CLDN16: variants seen among roughly 807,000 people sequenced by gnomAD.
The protein encoded by CLDN16 is claudin-16.
CLDN16 carries 13 observed loss-of-function variants against 24.6 expected under a neutral mutation model. That is an observed-to-expected ratio of 0.53 (90% CI 0.34 to 0.84). The LOEUF (loss-of-function observed/expected upper bound fraction) is 0.84, where lower values mean the gene tolerates loss of function less well. Among genes scored for constraint, CLDN16 ranks in the 40% least tolerant of loss-of-function variants. The pLI is 0.01. For missense variants in CLDN16, 298 were observed against 292.7 expected (o/e 1.02, Z -0.13); for synonymous variants, 116 against 106.7 (o/e 1.09, Z -0.54).
chr3:190,343,298 CAA>C (rs1163459618), intron 1 of CLDN16, among the ~76,000 whole-genome samples: 1 of 151,846 alleles, frequency 6.6e-6, no homozygotes, highest in Non-Finnish European at 1.5e-5. Flanking sequence ...ATCAAAAAGA[CAA>C]GAGATAAAAA....
intron 1 of CLDN16, among the ~76,000 whole-genome samples, chr3:190,399,331 C>G (rs1718901223): frequency 6.9e-6 from 1 of 143,898 alleles, no homozygotes. Flanking sequence ...TGGGGAAACC[C>G]CGTCTCTACT....
intron 3 of CLDN16, among the ~76,000 whole-genome samples, chr3:190,382,977 G>A (rs1042249432): frequency 2.6e-5 from 4 of 152,066 alleles, no homozygotes; most frequent in African/African-American, 4.8e-5. Flanking sequence ...GACTTCCAGT[G>A]CAACATCACA....
intron 1 of CLDN16, among the ~76,000 whole-genome samples, chr3:190,350,705 C>T (rs1717654352): frequency 6.6e-6 from 1 of 152,124 alleles, no homozygotes; most frequent in Non-Finnish European, 1.5e-5. Context: ...AAACCTATTA[C>T]TGTGTTTGGG....
intron 3 of CLDN16, among the ~76,000 whole-genome samples, 185 bp from the exon 4 acceptor site, chr3:190,408,129 G>C (rs1013462958): frequency 6.6e-6 from 1 of 152,144 alleles, no homozygotes; most frequent in Non-Finnish European, 1.5e-5. Flanking sequence ...ATTTAAAAAA[G>C]ATACAAGATG....
At chr3:190,352,232 A>C (rs1717685969) in intron 1 of CLDN16, among the ~76,000 whole-genome samples, 1 of 152,082 alleles carries the variant, frequency 6.6e-6, no homozygotes, top group Non-Finnish European at 1.5e-5. Context: ...TTCAAACATA[A>C]TTAACAATTT....
At chr3:190,375,594 A>G (rs1217116515) in intron 3 of CLDN16, among the ~76,000 whole-genome samples, 6 of 151,926 alleles carry the variant, frequency 3.9e-5, no homozygotes, top group Non-Finnish European at 5.9e-5. Context: ...TACTACTTGA[A>G]ATTTTAGATG....
the CLDN16 span, among the ~76,000 whole-genome samples, chr3:190,315,071 T>C: frequency 4.6e-5 from 7 of 152,220 alleles, no homozygotes; most frequent in African/African-American, 1.7e-4. Flanking sequence ...TATGTCCTCT[T>C]TCTGATGGAT....
At chr3:190,307,154 G>T in the CLDN16 span, 1 of 152,604 alleles carries the variant, frequency 6.6e-6, no homozygotes, top group African/African-American at 2.4e-5. Context: ...GAAAAAAGAG[G>T]TAGAAAGATT....
upstream of CLDN16, among the ~76,000 whole-genome samples, chr3:190,319,592 C>T (rs146171369): frequency 0.01 from 1,583 of 152,254 alleles, 36 homozygotes; most frequent in Non-Finnish European, 0.01. Flanking sequence ...TAATACTTCC[C>T]GTGCTAAAGC....
rs1043568318 is a variant in CLDN16 at position 190,410,540 on chromosome 3, C to T, written c.*504C>T. On this transcript the variant is annotated 3_prime_UTR_variant, in exon 5 of 5. Coordinates refer to ENST00000264734, the MANE Select transcript of CLDN16 (RefSeq NM_006580.4). ...TTCAAACTAGTATGTCAATGCCTAC[C>T]ATTACTCTGATTATATTAAAACAGA... The T allele has an allele frequency of 6.4e-6, 1 of 156,568 alleles. No individual in the cohort carries two copies. Among genetic ancestry groups the T allele is most frequent in the African/African-American group, 2.4e-5 (1 of 41,432 alleles). The allele number at this position is 156,568 out of a possible 1,614,324, so 9.7% of individuals were successfully genotyped here. A position where few individuals can be genotyped will look rare whatever the true frequency, so the allele number is the denominator to read the frequency against.
intron 1 of CLDN16, among the ~76,000 whole-genome samples, chr3:190,323,595 A>G (rs1390186247): frequency 6.6e-6 from 1 of 152,178 alleles, no homozygotes; most frequent in Admixed American, 6.5e-5. Flanking sequence ...TGGTTTTAGT[A>G]AAAACAGAAG....
At chr3:190,361,061 T>C (rs995934721) in intron 1 of CLDN16, among the ~76,000 whole-genome samples, 1 of 152,042 alleles carries the variant, frequency 6.6e-6, no homozygotes, top group South Asian at 2.1e-4. Context: ...TTCAATTTTA[T>C]TTATGTTAAA....
rs1449887856 is a variant in CLDN16 at position 190,370,137 on chromosome 3, G to A, written n.122-756G>A. Reference sequence around the variant, plus strand: ...AACTGGAATTGTCACTAGCATTTCTGGAACGTTGAAAGGGTCTCTTTCCTT... The same window carrying A: ...AACTGGAATTGTCACTAGCATTTCTAGAACGTTGAAAGGGTCTCTTTCCTT... On this transcript the variant is annotated intron_variant and non_coding_transcript_variant, in intron 1 of 4. Coordinates refer to the CLDN16 transcript ENST00000468220. Among the ~76,000 whole-genome samples the A allele has an allele frequency of 3.3e-5, 5 of 151,906 alleles. No individual in the cohort carries two copies. In the East Asian group the frequency reaches 9.7e-4, roughly 30 times the overall value.
At chr3:190,290,506 A>C in the CLDN16 span, among the ~76,000 whole-genome samples, 1 of 152,326 alleles carries the variant, frequency 6.6e-6, no homozygotes, top group East Asian at 1.9e-4. Context: ...TTTAAGGAAA[A>C]AAAACCTACT....
intron 1 of CLDN16, among the ~76,000 whole-genome samples, chr3:190,356,111 A>G (rs1466216100): frequency 6.6e-6 from 1 of 151,784 alleles, no homozygotes; most frequent in Admixed American, 6.6e-5. Context: ...TTTGCTGAAA[A>G]GAATAAAAGT....
chr3:190,290,763 A>G, the CLDN16 span, among the ~76,000 whole-genome samples: 1 of 152,246 alleles, frequency 6.6e-6, no homozygotes, highest in African/African-American at 2.4e-5. Context: ...AAAGAAAATT[A>G]TATCAAAGTA....
intron 1 of CLDN16, among the ~76,000 whole-genome samples, chr3:190,400,750 T>G (rs1453922607): frequency 3.3e-5 from 5 of 152,216 alleles, no homozygotes; most frequent in African/African-American, 1.2e-4. Context: ...ATTCCATGTC[T>G]TGGCTATTGT....
At chr3:190,322,200 T>C, upstream of CLDN16, 1 of 1,613,682 alleles carries the variant, frequency 6.2e-7, no homozygotes, top group Non-Finnish European at 8.5e-7. Flanking sequence ...AGCCCCGCGT[T>C]GGCCATGACT....
At chr3:190,375,020 A>G (rs981851775) in intron 3 of CLDN16, among the ~76,000 whole-genome samples, 4 of 151,948 alleles carry the variant, frequency 2.6e-5, no homozygotes, top group African/African-American at 9.7e-5. Flanking sequence ...AAAAAGAGGC[A>G]TATACTTATA....
Sources: allele counts gnomAD v4.1 joint callset (sites outside exome capture counted in the v4.1 genomes callset), GRCh38; gene constraint gnomAD v4.1.1; transcripts MANE v1.5; gene names NCBI Gene and HGNC (gene_info 2026-07-23, HGNC 2026-07-21).